Variants in STAT3 observed in about 807,000 individuals in gnomAD.
STAT3 encodes the protein DNA-binding protein APRF.
Under a neutral mutation model 114.3 loss-of-function variants are expected in STAT3, and 7 were observed. That is an observed-to-expected ratio of 0.06 (90% CI 0.03 to 0.11). The LOEUF (loss-of-function observed/expected upper bound fraction) is 0.11. Ranked by LOEUF, STAT3 falls within the 10% of genes least tolerant of loss-of-function variation. STAT3 has a pLI of 1.00. For missense variants in STAT3, 364 were observed against 960.9 expected, an observed-to-expected ratio of 0.38 and a Z score of 8.21; for synonymous variants, 331 against 354.5, an observed-to-expected ratio of 0.93 and a Z score of 0.74.
rs1428163611 is a variant in STAT3, at chr17:42,325,241, T to C, written c.1366-180A>G. 4.9e-6 allele frequency: 3 copies of C among 608,276 alleles called. No homozygotes were observed. The African/African-American group carries it at 5.5e-5, about 11-fold the overall frequency. 37.7% of individuals were successfully genotyped at this position (608,276 alleles called of 1,614,324 possible). A position where few individuals can be genotyped will look rare whatever the true frequency, so the allele number is the denominator to read the frequency against. Reference sequence around the variant, plus strand: ...CAGTGAGCACTCATAGTGGAAAGAATGCCCAGCGTGGCCACACAACTCAGG... The same window carrying C: ...CAGTGAGCACTCATAGTGGAAAGAACGCCCAGCGTGGCCACACAACTCAGG... On this transcript the variant is annotated intron_variant, in intron 15 of 23. Transcript: ENST00000264657.
At chr17:42,358,952 T>G (rs1289241853) in intron 1 of STAT3, among the ~76,000 whole-genome samples, 1 of 142,192 alleles carries the variant, frequency 7.0e-6, no homozygotes, top group African/African-American at 2.9e-5. Context: ...TTTTTTTTTT[T>G]GAGATGTAGT....
At chr17:42,317,584 C>T (rs2081300790) in intron 21 of STAT3, 2 of 353,922 alleles carry the variant, frequency 5.7e-6, no homozygotes, top group Admixed American at 8.0e-5. Context: ...CTATTCCGGC[C>T]TGGTCATATC....
chr17:42,373,130 T>A (rs2084248891), intron 1 of STAT3, among the ~76,000 whole-genome samples: 1 of 152,062 alleles, frequency 6.6e-6, no homozygotes, highest in Non-Finnish European at 1.5e-5. Context: ...GGCAGGCGGA[T>A]CACGAGGTCA....
intron 11 of STAT3, among the ~76,000 whole-genome samples, chr17:42,330,549 C>T (rs2081966008): frequency 6.6e-6 from 1 of 151,948 alleles, no homozygotes; most frequent in East Asian, 1.9e-4. Flanking sequence ...CTGCCTCAGC[C>T]TCCTGAGTAG....
intron 1 of STAT3, among the ~76,000 whole-genome samples, chr17:42,386,185 G>A (rs1020020376): frequency 6.6e-6 from 1 of 151,622 alleles, no homozygotes. Flanking sequence ...GGAGGCTGAG[G>A]CAGGAGAATC....
intron 1 of STAT3, among the ~76,000 whole-genome samples, chr17:42,384,015 C>A (rs1384263063): frequency 2.0e-5 from 3 of 152,330 alleles, no homozygotes; most frequent in East Asian, 3.9e-4. Context: ...CACTGATTTA[C>A]TTTGTACAAA....
chr17:42,359,149 A>G (rs2083384650), intron 1 of STAT3, among the ~76,000 whole-genome samples: 1 of 151,820 alleles, frequency 6.6e-6, no homozygotes, highest in South Asian at 2.1e-4. Context: ...GTTAGCCAGG[A>G]TGATCTCAAT....
chr17:42,345,138 G>A (rs899142208), intron 4 of STAT3, among the ~76,000 whole-genome samples: 1 of 151,710 alleles, frequency 6.6e-6, no homozygotes. Flanking sequence ...GGTGGCACAC[G>A]CCTATAATCC....
At chr17:42,347,266 G>T (rs1488365223) in intron 2 of STAT3, among the ~76,000 whole-genome samples, 1 of 150,782 alleles carries the variant, frequency 6.6e-6, no homozygotes, top group East Asian at 1.9e-4. Context: ...TGTTGTATTT[G>T]TAAAATATTT....
At chr17:42,358,768 C>T (rs917980789) in intron 1 of STAT3, among the ~76,000 whole-genome samples, 3 of 152,000 alleles carry the variant, frequency 2.0e-5, no homozygotes, top group African/African-American at 7.2e-5. Flanking sequence ...TGGGCTTTCT[C>T]TTCAGTAAAA....
intron 19 of STAT3, 47 bp downstream of exon 19, chr17:42,323,213 G>C: frequency 6.2e-7 from 1 of 1,614,024 alleles, no homozygotes; most frequent in Non-Finnish European, 8.5e-7. Flanking sequence ...CTGGCTTGCT[G>C]AGAGCAGGGG....
intron 1 of STAT3, among the ~76,000 whole-genome samples, chr17:42,361,208 C>T (rs556281813): frequency 4.5e-4 from 69 of 152,270 alleles, no homozygotes; most frequent in Non-Finnish European, 9.7e-4. Flanking sequence ...CGGCTGGGCA[C>T]GGTGGCTCAC....
At chr17:42,347,287 G>GACAGAT (rs1335480227) in intron 2 of STAT3, among the ~76,000 whole-genome samples, 2 of 151,396 alleles carry the variant, frequency 1.3e-5, no homozygotes, top group African/African-American at 4.9e-5. Flanking sequence ...GAGCAAAGTA[G>GACAGAT]ACAGATATGC....
intron 8 of STAT3, among the ~76,000 whole-genome samples, chr17:42,334,907 C>G (rs997361745): frequency 1.3e-5 from 2 of 152,164 alleles, no homozygotes; most frequent in African/African-American, 4.8e-5. Flanking sequence ...ATATGCAGAA[C>G]ACGAAATATG....
Position 42,314,679 on chromosome 17 carries a change from G to T in STAT3, c.*1066C>A. The T allele has an allele frequency of 4.5e-6, 1 of 223,496 alleles. No individual in the cohort carries two copies. Among genetic ancestry groups the T allele is most frequent in the Non-Finnish European group, 9.0e-6 (1 of 111,610 alleles). The allele number at this position is 223,496 out of a possible 1,614,324, so 13.8% of individuals were successfully genotyped here. ...AAAATAAGTCTATTTATAAAAAAAA[G>T]TCTAAAATGCTTAGATTCTCCTTAA... On this transcript the variant is annotated 3_prime_UTR_variant, in exon 24 of 24. Coordinates refer to ENST00000264657, the MANE Select transcript of STAT3 (RefSeq NM_139276.3).
chr17:42,322,593 A>G, intron 20 of STAT3, 99 bp from the exon 21 acceptor site: 1 of 1,330,020 alleles, frequency 7.5e-7, no homozygotes, highest in East Asian at 2.3e-5. Flanking sequence ...GAAAAGACTT[A>G]AGCCACCCTA....
At chr17:42,326,955 CACAA>C (rs1424950890) in intron 14 of STAT3, among the ~76,000 whole-genome samples, 4 of 152,142 alleles carry the variant, frequency 2.6e-5, no homozygotes, top group Non-Finnish European at 4.4e-5. Context: ...ACCAGGTGGT[CACAA>C]ACAAACTGCC....
At chr17:42,331,840 A>C (rs1242258425) in intron 10 of STAT3, among the ~76,000 whole-genome samples, 3 of 152,070 alleles carry the variant, frequency 2.0e-5, no homozygotes, top group Non-Finnish European at 2.9e-5. Context: ...AGGCAAGAGG[A>C]TCACTTGTGC....
intron 4 of STAT3, among the ~76,000 whole-genome samples, chr17:42,343,595 C>T (rs1391786795): frequency 6.6e-6 from 1 of 151,678 alleles, no homozygotes; most frequent in Non-Finnish European, 1.5e-5. Flanking sequence ...GCTGGGACTA[C>T]AGGCGCGTAC....
Sources: allele counts gnomAD v4.1 joint callset (sites outside exome capture counted in the v4.1 genomes callset), GRCh38; gene constraint gnomAD v4.1.1; transcripts MANE v1.5; gene names NCBI Gene and HGNC (gene_info 2026-07-23, HGNC 2026-07-21).